CNTNAP2: variants seen among roughly 807,000 people sequenced by gnomAD.
CNTNAP2 encodes the protein contactin associated protein 2.
Under a neutral mutation model 155.2 loss-of-function variants are expected in CNTNAP2, and 98 were observed. The observed-to-expected ratio is 0.63, with a 90% CI of 0.54 to 0.75. CNTNAP2 has a LOEUF of 0.75. CNTNAP2 is among the 30% of genes least tolerant of loss of function. The pLI, the probability that CNTNAP2 is intolerant of heterozygous loss-of-function variation, is 0.00. For missense variants in CNTNAP2, 1,727 were observed against 1,688.1 expected (o/e 1.02, Z -0.40); for synonymous variants, 651 against 631.2 (o/e 1.03, Z -0.47).
intron 8 of CNTNAP2, among the ~76,000 whole-genome samples, chr7:147,198,115 C>T (rs935240613): frequency 2.0e-5 from 3 of 151,056 alleles, no homozygotes; most frequent in Non-Finnish European, 4.4e-5. Flanking sequence ...TTAAAAATAT[C>T]TATTTAAAAC....
intron 8 of CNTNAP2, among the ~76,000 whole-genome samples, chr7:147,185,876 T>G (rs1178333393): frequency 6.6e-6 from 1 of 152,180 alleles, no homozygotes; most frequent in East Asian, 1.9e-4. Context: ...TGATATCTGA[T>G]GGCTTTATAA....
chr7:148,157,505 A>G (rs1805420568), intron 17 of CNTNAP2, among the ~76,000 whole-genome samples: 1 of 150,186 alleles, frequency 6.7e-6, no homozygotes, highest in Non-Finnish European at 1.5e-5. Context: ...GATATTTACC[A>G]TCTTGGGAAA....
intron 13 of CNTNAP2, among the ~76,000 whole-genome samples, chr7:147,796,265 G>A (rs937937942): frequency 1.3e-5 from 2 of 152,164 alleles, no homozygotes; most frequent in Non-Finnish European, 2.9e-5. Context: ...CCTCTCAAGA[G>A]TGGCTTATGT....
At chr7:146,877,568 ATG>A (rs1188214028) in intron 3 of CNTNAP2, among the ~76,000 whole-genome samples, 2 of 151,350 alleles carry the variant, frequency 1.3e-5, no homozygotes, top group South Asian at 4.1e-4. Context: ...TATACTATAT[ATG>A]TGTGTGTATA....
chr7:147,448,490 A>ATATATATG, intron 10 of CNTNAP2, among the ~76,000 whole-genome samples: 1 of 150,284 alleles, frequency 6.7e-6, no homozygotes, highest in Admixed American at 6.7e-5. Context: ...GTGTGTATAT[A>ATATATATG]TATATATATA....
intron 1 of CNTNAP2, among the ~76,000 whole-genome samples, chr7:146,496,313 A>G (rs1327643075): frequency 6.6e-6 from 1 of 152,222 alleles, no homozygotes; most frequent in East Asian, 1.9e-4. Flanking sequence ...AAGGAAAGTT[A>G]GAAACATAAG....
intron 1 of CNTNAP2, among the ~76,000 whole-genome samples, chr7:146,193,546 G>A (rs1465461720): frequency 6.6e-6 from 1 of 152,188 alleles, no homozygotes; most frequent in African/African-American, 2.4e-5. Context: ...AGCCATGGCT[G>A]GAGCAGCTGG....
At chr7:146,130,004 T>A (rs990760306) in intron 1 of CNTNAP2, among the ~76,000 whole-genome samples, 4 of 152,152 alleles carry the variant, frequency 2.6e-5, no homozygotes, top group African/African-American at 9.7e-5. Context: ...ACCTCACAAT[T>A]CCAACATTGG....
At chr7:147,062,173 A>C (rs111269528) in intron 4 of CNTNAP2, among the ~76,000 whole-genome samples, 6,991 of 135,414 alleles carry the variant, frequency 0.052, 566 homozygotes, top group African/African-American at 0.17. Context: ...AAAAAAAACC[A>C]GTTCTTTATG....
intron 19 of CNTNAP2, among the ~76,000 whole-genome samples, chr7:148,222,572 A>ATGGATCATTCCATGAATCTATGAC (rs1795770651): frequency 6.6e-6 from 1 of 152,230 alleles, no homozygotes; most frequent in African/African-American, 2.4e-5. Flanking sequence ...GAATCTATGA[A>ATGGATCATTCCATGAATCTATGAC]TGGATCATTC....
chr7:146,572,624 G>C (rs10275587), intron 1 of CNTNAP2, among the ~76,000 whole-genome samples: 112,574 of 152,058 alleles, frequency 0.74, 42,174 homozygotes, highest in South Asian at 0.86. Flanking sequence ...CCAAAGCCAG[G>C]GGAGTTTCAA....
At chr7:147,688,492 A>T (rs1584900799) in intron 13 of CNTNAP2, among the ~76,000 whole-genome samples, 1 of 151,970 alleles carries the variant, frequency 6.6e-6, no homozygotes, top group Admixed American at 6.6e-5. Flanking sequence ...TGACAGCTCA[A>T]CTCCCAGAAC....
intron 22 of CNTNAP2, 121 bp downstream of exon 22, chr7:148,384,009 G>C (rs1799134106): frequency 7.1e-7 from 1 of 1,401,014 alleles, no homozygotes; most frequent in East Asian, 2.5e-5. Flanking sequence ...ATTAAGAAAG[G>C]GCAAAGGAAC....
intron 3 of CNTNAP2, among the ~76,000 whole-genome samples, chr7:146,944,270 C>T (rs1277371980): frequency 6.8e-6 from 1 of 147,400 alleles, no homozygotes; most frequent in African/African-American, 2.5e-5. Flanking sequence ...TTTTTCAATA[C>T]GTTTATTTTT....
At chr7:147,079,133 G>T (rs1306738336) in intron 4 of CNTNAP2, among the ~76,000 whole-genome samples, 5 of 152,174 alleles carry the variant, frequency 3.3e-5, no homozygotes, top group Non-Finnish European at 7.3e-5. Flanking sequence ...TTGGTGCATG[G>T]TGTTTTCTAA....
chr7:146,752,096 G>A (rs559116946), intron 1 of CNTNAP2, among the ~76,000 whole-genome samples: 21 of 152,216 alleles, frequency 1.4e-4, no homozygotes, highest in African/African-American at 5.1e-4. Context: ...ACGTGTGCAT[G>A]TGTCTTTATG....
intron 1 of CNTNAP2, among the ~76,000 whole-genome samples, chr7:146,630,429 C>T (rs779127454): frequency 1.7e-4 from 21 of 126,702 alleles, no homozygotes; most frequent in Admixed American, 1.1e-3. Context: ...TTGCAAATAG[C>T]GCTGTGATAA....
At chr7:146,626,395 A>C (rs1799419704) in intron 1 of CNTNAP2, among the ~76,000 whole-genome samples, 1 of 152,142 alleles carries the variant, frequency 6.6e-6, no homozygotes, top group African/African-American at 2.4e-5. Context: ...GGTACCTATA[A>C]ATAAAACAGA....
At chr7:147,192,898 G>A (rs575795995) in intron 8 of CNTNAP2, among the ~76,000 whole-genome samples, 1 of 152,208 alleles carries the variant, frequency 6.6e-6, no homozygotes, top group Non-Finnish European at 1.5e-5. Flanking sequence ...TGACTGTAAT[G>A]GGCGCAACTT....
Sources: gnomAD v4.1 joint callset for allele counts (sites outside exome capture counted in the v4.1 genomes callset) on GRCh38, gnomAD v4.1.1 for gene constraint, MANE v1.5 for transcripts, NCBI Gene and HGNC (gene_info 2026-07-23, HGNC 2026-07-21) for gene names.